Variants in MNAT1 observed in about 807,000 individuals in gnomAD.
The protein encoded by MNAT1 is CDK-activating kinase assembly factor MAT1.
MNAT1 carries 43 observed loss-of-function variants against 42.0 expected under a neutral mutation model. That is an observed-to-expected ratio of 1.02 (90% confidence interval 0.80 to 1.32). MNAT1 has a LOEUF of 1.32. Ranked by LOEUF, MNAT1 falls within the 40% of genes most tolerant of loss-of-function variation. MNAT1 has a pLI of 0.00. For synonymous variants in MNAT1, 118 were observed against 120.0 expected (o/e 0.98, Z 0.11); for missense variants, 306 against 350.4 (o/e 0.87, Z 1.01).
chr14:60,903,865 G>GT (rs35825181), intron 7 of MNAT1, among the ~76,000 whole-genome samples: 44,080 of 115,440 alleles, frequency 0.38, 8,865 homozygotes, highest in Non-Finnish European at 0.43. Context: ...ACCCATGTAA[G>GT]TTTTTTTTTT....
At chr14:60,844,311 G>T (rs551572553) in intron 6 of MNAT1, among the ~76,000 whole-genome samples, 2 of 152,074 alleles carry the variant, frequency 1.3e-5, no homozygotes, top group East Asian at 3.8e-4. Flanking sequence ...ATAGATCAAT[G>T]TGGGGAGAAT....
chr14:60,771,653 C>T (rs1352908037), intron 1 of MNAT1, among the ~76,000 whole-genome samples: 1 of 152,178 alleles, frequency 6.6e-6, no homozygotes, highest in Non-Finnish European at 1.5e-5. Context: ...ACAATCCTTG[C>T]CTACCTCACT....
chr14:60,908,940 CA>C (rs1363025543), intron 7 of MNAT1, among the ~76,000 whole-genome samples: 2 of 152,196 alleles, frequency 1.3e-5, no homozygotes, highest in Non-Finnish European at 2.9e-5. Flanking sequence ...GTCCCACCAA[CA>C]GTGTAAAAGT....
intron 7 of MNAT1, among the ~76,000 whole-genome samples, chr14:60,932,268 A>G (rs1439907413): frequency 6.6e-6 from 1 of 151,966 alleles, no homozygotes; most frequent in East Asian, 1.9e-4. Flanking sequence ...TCACTTTTTT[A>G]GAGAATAATA....
chr14:60,961,054 C>T (rs1324136606), intron 7 of MNAT1, among the ~76,000 whole-genome samples: 1 of 152,150 alleles, frequency 6.6e-6, no homozygotes. Flanking sequence ...CCTCTACCTC[C>T]CGGGTTCAAG....
intron 7 of MNAT1, among the ~76,000 whole-genome samples, chr14:60,932,788 C>T (rs189132260): frequency 6.6e-6 from 1 of 152,044 alleles, no homozygotes; most frequent in East Asian, 1.9e-4. Flanking sequence ...AGAGATCATA[C>T]TTATTTCTGA....
intron 1 of MNAT1, among the ~76,000 whole-genome samples, chr14:60,795,568 C>T (rs952453784): frequency 3.3e-5 from 5 of 152,220 alleles, no homozygotes; most frequent in South Asian, 4.1e-4. Context: ...TTTGGGGCAA[C>T]GAACTTTAAC....
chr14:60,843,066 T>C (rs1173896216), intron 6 of MNAT1, among the ~76,000 whole-genome samples: 2 of 152,214 alleles, frequency 1.3e-5, no homozygotes, highest in Middle Eastern at 6.3e-3. Flanking sequence ...ACCTGAGCTG[T>C]TTATAGTTTT....
intron 7 of MNAT1, among the ~76,000 whole-genome samples, chr14:60,914,556 T>TAAA (rs11418104): frequency 3.3e-4 from 49 of 150,300 alleles, no homozygotes; most frequent in Non-Finnish European, 4.0e-4. Context: ...ACAGATATGG[T>TAAA]AAAAAAAAAA....
At chr14:60,860,657 T>A (rs1397498888) in intron 6 of MNAT1, among the ~76,000 whole-genome samples, 2 of 151,888 alleles carry the variant, frequency 1.3e-5, no homozygotes, top group Non-Finnish European at 2.9e-5. Flanking sequence ...CAGCTGAGAC[T>A]TTTTTTTAAA....
intron 6 of MNAT1, among the ~76,000 whole-genome samples, chr14:60,855,498 A>C (rs892174568): frequency 6.6e-6 from 1 of 152,138 alleles, no homozygotes; most frequent in African/African-American, 2.4e-5. Context: ...CCGTGGGAAA[A>C]GTGTAGTATC....
intron 6 of MNAT1, among the ~76,000 whole-genome samples, chr14:60,852,276 A>G (rs924184803): frequency 6.6e-6 from 1 of 152,094 alleles, no homozygotes; most frequent in Non-Finnish European, 1.5e-5. Flanking sequence ...GCATTTCTCT[A>G]ATGACCAGTG....
chr14:60,794,008 A>G (rs1273479907), intron 1 of MNAT1, among the ~76,000 whole-genome samples: 2 of 152,164 alleles, frequency 1.3e-5, no homozygotes, highest in Non-Finnish European at 2.9e-5. Context: ...ACAATATATT[A>G]TGTCTAATAT....
At chr14:60,965,689 A>C (rs1427919493) in intron 7 of MNAT1, among the ~76,000 whole-genome samples, 1 of 152,226 alleles carries the variant, frequency 6.6e-6, no homozygotes, top group Non-Finnish European at 1.5e-5. Flanking sequence ...TTGGCTTTTC[A>C]AGGTTGACAA....
chr14:60,934,416 C>T (rs1005187139), intron 7 of MNAT1, among the ~76,000 whole-genome samples: 11 of 152,110 alleles, frequency 7.2e-5, no homozygotes, highest in African/African-American at 2.7e-4. Context: ...TGGCTGTGTC[C>T]GCACCCAAAT....
At chr14:60,824,646 T>A (rs1161282685) in intron 6 of MNAT1, among the ~76,000 whole-genome samples, 1 of 152,196 alleles carries the variant, frequency 6.6e-6, no homozygotes, top group Non-Finnish European at 1.5e-5. Flanking sequence ...ATTGCTTTAC[T>A]CTTCTGAGTT....
chr14:60,766,408 G>A (rs746612257), intron 1 of MNAT1, among the ~76,000 whole-genome samples: 4 of 150,526 alleles, frequency 2.7e-5, no homozygotes, highest in African/African-American at 9.8e-5. Flanking sequence ...TTGGGTATTC[G>A]TCTTGTTTTA....
intron 7 of MNAT1, among the ~76,000 whole-genome samples, chr14:60,906,626 A>G (rs546521307): frequency 6.6e-6 from 1 of 152,318 alleles, no homozygotes; most frequent in South Asian, 2.1e-4. Flanking sequence ...TATCTGAGCA[A>G]ATGGTTGCTC....
chr14:60,894,838 G>A (rs1055774542), intron 7 of MNAT1, among the ~76,000 whole-genome samples: 2 of 152,078 alleles, frequency 1.3e-5, no homozygotes, highest in East Asian at 3.8e-4. Context: ...AGTTAAAAAG[G>A]CAAATTGTTA....
Sources: gnomAD v4.1 joint callset for allele counts (sites outside exome capture counted in the v4.1 genomes callset) on GRCh38, gnomAD v4.1.1 for gene constraint, MANE v1.5 for transcripts, NCBI Gene and HGNC (gene_info 2026-07-23, HGNC 2026-07-21) for gene names.